SSH2: variants seen among roughly 807,000 people sequenced by gnomAD.
SSH2 encodes protein phosphatase Slingshot homolog 2.
Under a neutral mutation model 135.2 loss-of-function variants are expected in SSH2, and 37 were observed. The ratio of observed to expected loss-of-function variants is 0.27; its 90% CI spans 0.21 to 0.36. SSH2 has a LOEUF of 0.36. Among genes scored for constraint, SSH2 ranks in the 10% least tolerant of loss-of-function variants. The pLI is 1.00. For synonymous variants in SSH2, 628 were observed against 646.2 expected, an observed-to-expected ratio of 0.97 and a Z score of 0.43; for missense variants, 1,408 against 1,765.3, an observed-to-expected ratio of 0.80 and a Z score of 3.63.
chr17:29,658,085 C>T (rs955591395), intron 11 of SSH2, among the ~76,000 whole-genome samples: 1 of 150,906 alleles, frequency 6.6e-6, no homozygotes, highest in African/African-American at 2.4e-5. Context: ...CTCACCGCAA[C>T]CTCTGCCTCC....
intron 1 of SSH2, among the ~76,000 whole-genome samples, chr17:29,873,062 TAGAA>T (rs2065965698): frequency 6.6e-6 from 1 of 151,986 alleles, no homozygotes; most frequent in African/African-American, 2.4e-5. Context: ...TGCTTCATGT[TAGAA>T]AGAATAATTT....
chr17:29,746,774 C>A (rs941190848), intron 3 of SSH2, among the ~76,000 whole-genome samples: 1 of 152,010 alleles, frequency 6.6e-6, no homozygotes, highest in Non-Finnish European at 1.5e-5. Flanking sequence ...TTCAATTTAG[C>A]CCTCATGGAG....
intron 2 of SSH2, among the ~76,000 whole-genome samples, chr17:29,810,267 T>G (rs1452340708): frequency 6.6e-6 from 1 of 152,188 alleles, no homozygotes; most frequent in Non-Finnish European, 1.5e-5. Context: ...TCCCACATTT[T>G]CACATACGCA....
At chr17:29,662,023 T>C (rs201913930) in intron 11 of SSH2, among the ~76,000 whole-genome samples, 5 of 152,180 alleles carry the variant, frequency 3.3e-5, no homozygotes, top group African/African-American at 4.8e-5. Flanking sequence ...CAGACCCAAT[T>C]TCCCCCCCGC....
At chr17:29,895,811 G>A (rs1220272111) in intron 1 of SSH2, among the ~76,000 whole-genome samples, 1 of 54,712 alleles carries the variant, frequency 1.8e-5, no homozygotes, top group South Asian at 7.9e-4. Flanking sequence ...TGTATAAAAT[G>A]TATTTTATAT....
intron 2 of SSH2, among the ~76,000 whole-genome samples, chr17:29,818,907 A>C (rs906770893): frequency 6.6e-6 from 1 of 152,038 alleles, no homozygotes; most frequent in African/African-American, 2.4e-5. Context: ...TCTACAAAAA[A>C]AAAAAATTTA....
intron 3 of SSH2, among the ~76,000 whole-genome samples, chr17:29,770,692 C>T (rs547443570): frequency 4.6e-5 from 7 of 151,028 alleles, no homozygotes; most frequent in Admixed American, 2.0e-4. Context: ...TGACTGGTCT[C>T]GAACTCCTGA....
At chr17:29,749,228 A>G (rs2040854058) in intron 3 of SSH2, among the ~76,000 whole-genome samples, 1 of 152,212 alleles carries the variant, frequency 6.6e-6, no homozygotes, top group South Asian at 2.1e-4. Flanking sequence ...ACTTAACATT[A>G]GAAGGCCTAA....
At chr17:29,902,272 T>C (rs1439287764) in intron 1 of SSH2, among the ~76,000 whole-genome samples, 2 of 152,220 alleles carry the variant, frequency 1.3e-5, no homozygotes, top group Non-Finnish European at 2.9e-5. Context: ...CCAACTCATA[T>C]AGATGCATAA....
chr17:29,837,563 G>A (rs1352787658), intron 2 of SSH2, among the ~76,000 whole-genome samples: 5 of 152,004 alleles, frequency 3.3e-5, no homozygotes, highest in African/African-American at 9.7e-5. Flanking sequence ...CCATGTCCCC[G>A]AGGCAGCCAA....
chr17:29,680,551 CAAAAA>C (rs1160865828), intron 6 of SSH2, among the ~76,000 whole-genome samples: 1 of 21,538 alleles, frequency 4.6e-5, no homozygotes, highest in South Asian at 4.8e-3. Flanking sequence ...GACTCCCTCT[CAAAAA>C]AAAAAAAAAA....
At chr17:29,899,427 A>G (rs1014213865) in intron 1 of SSH2, among the ~76,000 whole-genome samples, 3 of 152,246 alleles carry the variant, frequency 2.0e-5, no homozygotes, top group African/African-American at 4.8e-5. Flanking sequence ...CAACTTCAGC[A>G]AAGTCTCAGG....
At chr17:29,663,927 G>GA (rs756125885) in intron 11 of SSH2, among the ~76,000 whole-genome samples, 6 of 152,176 alleles carry the variant, frequency 3.9e-5, no homozygotes, top group Non-Finnish European at 7.4e-5. Context: ...GACAATGGGG[G>GA]AAACTATGCA....
At chr17:29,643,094 T>C (rs979605856) in intron 14 of SSH2, 107 of 982,404 alleles carry the variant, frequency 1.1e-4, no homozygotes, top group Non-Finnish European at 1.3e-4. Context: ...TTTCCTCTCC[T>C]GCTTACCTAA....
intron 3 of SSH2, among the ~76,000 whole-genome samples, chr17:29,727,770 A>G (rs1357829137): frequency 6.6e-6 from 1 of 152,232 alleles, no homozygotes; most frequent in Non-Finnish European, 1.5e-5. Context: ...CTGGAACATG[A>G]CAAGGATGCC....
At chr17:29,788,611 T>C (rs1384048223) in intron 3 of SSH2, among the ~76,000 whole-genome samples, 1 of 150,988 alleles carries the variant, frequency 6.6e-6, no homozygotes, top group Non-Finnish European at 1.5e-5. Flanking sequence ...TCCCTCACTC[T>C]CTCCCTCCCT....
chr17:29,766,626 T>C (rs1249725834), intron 3 of SSH2, among the ~76,000 whole-genome samples: 1 of 152,204 alleles, frequency 6.6e-6, no homozygotes, highest in Non-Finnish European at 1.5e-5. Flanking sequence ...TCAATTTTTG[T>C]ATTTTTAAAG....
intron 1 of SSH2, among the ~76,000 whole-genome samples, chr17:29,905,952 T>C (rs1290398193): frequency 6.6e-6 from 1 of 152,158 alleles, no homozygotes; most frequent in African/African-American, 2.4e-5. Context: ...ATGACCTGCC[T>C]GCAGAGAAGA....
At chr17:29,845,374 G>A (rs2151383031) in intron 2 of SSH2, among the ~76,000 whole-genome samples, 1 of 152,140 alleles carries the variant, frequency 6.6e-6, no homozygotes. Context: ...CATGGGGGTG[G>A]GAACAGGGAA....
Sources: allele counts gnomAD v4.1 joint callset (sites outside exome capture counted in the v4.1 genomes callset), GRCh38; gene constraint gnomAD v4.1.1; transcripts MANE v1.5; gene names NCBI Gene and HGNC (gene_info 2026-07-23, HGNC 2026-07-21).